The following ZNF469 variants were observed in gnomAD, a reference collection of about 807,000 sequenced individuals.
The protein encoded by ZNF469 is zinc finger protein 469.
Under a neutral mutation model 1.0 loss-of-function variants are expected in ZNF469, and 1 was observed. That is an observed-to-expected ratio of 1.00 (90% CI 0.35 to 4.73). The LOEUF is 4.73. Ranked by LOEUF, ZNF469 falls within the 30% of genes most tolerant of loss-of-function variation. The pLI is 0.16. For missense variants in ZNF469, 6,100 were observed against 5,356.3 expected, an observed-to-expected ratio of 1.14 and a Z score of -4.33; for synonymous variants, 2,703 against 2,363.4, an observed-to-expected ratio of 1.14 and a Z score of -4.17.
chr16:88,338,461 G>T, the ZNF469 span, among the ~76,000 whole-genome samples: 1 of 152,224 alleles, frequency 6.6e-6, no homozygotes, highest in African/African-American at 2.4e-5. Flanking sequence ...GATGCACTGA[G>T]GCTCCACGCC....
chr16:88,406,418 C>T (rs1905030950), intron 1 of ZNF469, among the ~76,000 whole-genome samples: 1 of 152,248 alleles, frequency 6.6e-6, no homozygotes, highest in Admixed American at 6.5e-5. Flanking sequence ...GCCCCCGCTG[C>T]CCGCTGTGGC....
the ZNF469 span, among the ~76,000 whole-genome samples, chr16:88,353,685 A>T: frequency 6.6e-6 from 1 of 152,150 alleles, no homozygotes; most frequent in East Asian, 1.9e-4. Flanking sequence ...TCAGAATGTG[A>T]CCTCTCTGGA....
rs1212928837 is a variant in ZNF469 at position 88,437,223 on chromosome 16, C to T, written c.9753C>T (p.Ser3251=). 56 of 1,549,210 alleles carry T rather than the reference C, an allele frequency of 3.6e-5. No individual in the cohort carries two copies. The highest frequency in any genetic ancestry group is 4.8e-5 in the Non-Finnish European group (55 of 1,146,464). The change falls in exon 3 of 3, where the codon AGC becomes AGT. Residue 3251 remains serine (S), a synonymous_variant. Coordinates refer to ENST00000565624, the MANE Select transcript of ZNF469 (RefSeq NM_001367624.2). ...GCTCCGCCGGCAAGGCCGCCGGGAG[C>T]CCGGGAGACCCGTGGGGGCAAGAGG... ...GKRSAGKAAG[S]PGDPWGQEGE... is the part of the protein sequence containing the mutation.
At chr16:88,172,782 G>C in the ZNF469 span, among the ~76,000 whole-genome samples, 2 of 152,182 alleles carry the variant, frequency 1.3e-5, no homozygotes, top group Non-Finnish European at 2.9e-5. Context: ...AAGGTCACAA[G>C]CGAAACTTTT....
the ZNF469 span, among the ~76,000 whole-genome samples, chr16:88,148,836 C>T: frequency 6.6e-6 from 1 of 152,134 alleles, no homozygotes; most frequent in Non-Finnish European, 1.5e-5. Flanking sequence ...TGGAGCTGAG[C>T]ATCCCCTTGT....
the ZNF469 span, among the ~76,000 whole-genome samples, chr16:88,166,864 A>T: frequency 3.3e-5 from 5 of 151,866 alleles, no homozygotes; most frequent in Non-Finnish European, 7.4e-5. This position sits in a 1 kb window ranked among gnomAD's most constrained non-coding sequence, Gnocchi z 4.5. Flanking sequence ...AATCCACCAC[A>T]TTGATAACAG....
the ZNF469 span, among the ~76,000 whole-genome samples, chr16:88,169,954 T>A: frequency 6.6e-6 from 1 of 152,178 alleles, no homozygotes; most frequent in Non-Finnish European, 1.5e-5. This position sits in a 1 kb window ranked among gnomAD's most constrained non-coding sequence, Gnocchi z 6.1. Context: ...ACTAGTGATG[T>A]TGCGTGCCTT....
At chr16:88,313,481 G>T in the ZNF469 span, among the ~76,000 whole-genome samples, 1 of 152,196 alleles carries the variant, frequency 6.6e-6, no homozygotes, top group Non-Finnish European at 1.5e-5. Flanking sequence ...AGACGATGCT[G>T]GTGTGGACTG....
chr16:88,292,549 G>C, the ZNF469 span, among the ~76,000 whole-genome samples: 1 of 152,090 alleles, frequency 6.6e-6, no homozygotes. Flanking sequence ...ACGTGGGGAA[G>C]GGTCAGAAAA....
chr16:88,424,007 G>A lies in ZNF469; in HGVS notation c.-191-800G>A, dbSNP rs1336249821. Among the ~76,000 whole-genome samples, 6 of 152,208 alleles carry A rather than the reference G, an allele frequency of 3.9e-5. No individual in the cohort carries two copies. The highest frequency in any genetic ancestry group is 2.1e-4 in the South Asian group (1 of 4,826). On this transcript the variant is annotated intron_variant, in intron 1 of 2. Coordinates refer to ENST00000565624, the MANE Select transcript of ZNF469 (RefSeq NM_001367624.2). This position sits in a 1 kb window ranked among gnomAD's most constrained non-coding sequence, Gnocchi z 4.3. ...TGTGGCCATATTTTAAAACCATCAC[G>A]GAGACTGACAATTGGACAATCTCCT...
At chr16:88,293,859 G>C in the ZNF469 span, among the ~76,000 whole-genome samples, 1,059 of 152,264 alleles carry the variant, frequency 7.0e-3, 9 homozygotes, top group African/African-American at 0.024. Context: ...TAGCTGATCG[G>C]GAAAGGTTTC....
At chr16:88,340,497 G>C in the ZNF469 span, among the ~76,000 whole-genome samples, 1 of 152,196 alleles carries the variant, frequency 6.6e-6, no homozygotes, top group African/African-American at 2.4e-5. Context: ...CAGACATCAC[G>C]GGTCAGGTGT....
chr16:88,279,593 C>G, the ZNF469 span, among the ~76,000 whole-genome samples: 1 of 117,478 alleles, frequency 8.5e-6, no homozygotes, highest in Admixed American at 8.0e-5. Flanking sequence ...CGGTCAGTAC[C>G]GTGTAGATAT....
At chr16:88,296,487 A>G in the ZNF469 span, among the ~76,000 whole-genome samples, 2 of 148,358 alleles carry the variant, frequency 1.3e-5, no homozygotes, top group Admixed American at 1.3e-4. Flanking sequence ...AAACACACAT[A>G]TGTGCACACT....
At chr16:88,383,909 G>A (rs1413851794) in intron 1 of ZNF469, among the ~76,000 whole-genome samples, 1 of 152,132 alleles carries the variant, frequency 6.6e-6, no homozygotes, top group Non-Finnish European at 1.5e-5. Context: ...TAGACCCGTG[G>A]GGACGCGGCG....
the ZNF469 span, among the ~76,000 whole-genome samples, chr16:88,204,829 T>C: frequency 3.3e-5 from 5 of 152,166 alleles, no homozygotes; most frequent in African/African-American, 4.8e-5. Flanking sequence ...ACTGTCACTC[T>C]TGAGACCTGG....
chr16:88,234,737 A>G, the ZNF469 span: 13 of 152,364 alleles, frequency 8.5e-5, no homozygotes, highest in South Asian at 2.1e-4. Flanking sequence ...TGCTCTCGTC[A>G]CAGAGCAGAG....
At chr16:88,131,896 G>A in the ZNF469 span, among the ~76,000 whole-genome samples, 3 of 152,078 alleles carry the variant, frequency 2.0e-5, no homozygotes, top group East Asian at 1.9e-4. Flanking sequence ...CCACCTGCCC[G>A]CGCCCACCTG....
rs1269136221 is a variant in ZNF469, at chr16:88,432,922, G to C, written c.5452G>C (p.Asp1818His). 2 of 1,550,276 alleles carry C rather than the reference G, an allele frequency of 1.3e-6. No individual in the cohort carries two copies. Among genetic ancestry groups the C allele is most frequent in the Non-Finnish European group, 1.7e-6 (2 of 1,146,984 alleles). Residue 1818 changes from aspartate to histidine, a missense_variant, in exon 3 of 3, where the codon GAT becomes CAT. Coordinates refer to ENST00000565624, the MANE Select transcript of ZNF469 (RefSeq NM_001367624.2). ...TCAGGGTGACGGGGCTCCACCTCTG[G>C]ATGCCACCTGGCCTTTTGGTGCCAG... ...AFQGDGAPPL[D>H]ATWPFGASPS...
Sources: gnomAD v4.1 joint callset for allele counts (sites outside exome capture counted in the v4.1 genomes callset) on GRCh38, gnomAD v4.1.1 for gene constraint, Gnocchi (gnomAD v3.1) non-coding constraint, MANE v1.5 for transcripts, NCBI Gene and HGNC (gene_info 2026-07-23, HGNC 2026-07-21) for gene names.